DGKB: variants seen among roughly 807,000 people sequenced by gnomAD.
DGKB encodes the protein 90 kDa diacylglycerol kinase.
In DGKB, 67 loss-of-function variants were observed where a neutral mutation model predicts 114.3. That is an observed-to-expected ratio of 0.59 (90% CI 0.48 to 0.72). The LOEUF is 0.72. Among genes scored for constraint, DGKB ranks in the 30% least tolerant of loss-of-function variants. DGKB has a pLI of 0.00. For missense variants in DGKB, 907 were observed against 975.2 expected, an observed-to-expected ratio of 0.93 and a Z score of 0.93; for synonymous variants, 398 against 323.1, an observed-to-expected ratio of 1.23 and a Z score of -2.49.
chr7:14,249,015 C>A lies in DGKB; in HGVS notation c.2123-70864G>T, dbSNP rs371804546. 1.4e-3 allele frequency among the ~76,000 whole-genome samples: 220 copies of A among 152,154 alleles called. 1 individual carries two copies. Among genetic ancestry groups the A allele is most frequent in the African/African-American group, 5.0e-3 (207 of 41,534 alleles). Reference sequence around the variant, plus strand: ...TTTATTACGTTAATGAATGTACATTCCTTCTATACCTAATTTGGTGAGCGT... The same window carrying A: ...TTTATTACGTTAATGAATGTACATTACTTCTATACCTAATTTGGTGAGCGT... On this transcript the variant is annotated intron_variant, in intron 23 of 25. Coordinates refer to ENST00000402815, the MANE Select transcript of DGKB (RefSeq NM_001350709.2).
In DGKB at chr7:14,149,075, T is replaced by C; in HGVS notation, c.*56A>G. On this transcript the variant is annotated 3_prime_UTR_variant, in exon 26 of 26. Coordinates refer to ENST00000402815, the MANE Select transcript of DGKB (RefSeq NM_001350709.2). The stretch of plus-strand genomic sequence containing the variant: ...AAATGGTTCAAAGATTTCCAGCATA[T>C]GTGTTCCATGGCCCAATTATGCTAA... The C allele has an allele frequency of 7.1e-7, 1 of 1,415,364 alleles. No individual in the cohort carries two copies. The highest frequency in any genetic ancestry group is 1.4e-5 in the African/African-American group (1 of 70,826). 87.7% of individuals were successfully genotyped at this position (1,415,364 alleles called of 1,614,324 possible). A position where few individuals can be genotyped will look rare whatever the true frequency, so the allele number is the denominator to read the frequency against.
intron 21 of DGKB, among the ~76,000 whole-genome samples, chr7:14,368,432 T>G (rs1817064693): frequency 6.6e-6 from 1 of 152,168 alleles, no homozygotes; most frequent in Non-Finnish European, 1.5e-5. Context: ...GGTAAAGTAT[T>G]TAGCACTAGG....
At chr7:14,231,869 G>C (rs1486380330) in intron 23 of DGKB, among the ~76,000 whole-genome samples, 1 of 151,996 alleles carries the variant, frequency 6.6e-6, no homozygotes, top group Non-Finnish European at 1.5e-5. Context: ...TGTGATTGAA[G>C]TATGTCAGTA....
chr7:14,596,184 T>C lies in DGKB; in HGVS notation c.1433+11250A>G, dbSNP rs914782954. Among the ~76,000 whole-genome samples, 41 of 152,186 alleles carry C rather than the reference T, an allele frequency of 2.7e-4. 1 individual carries two copies. Among genetic ancestry groups the C allele is most frequent in the Non-Finnish European group, 1.9e-4 (13 of 68,008 alleles). ...CTGTGCTCTACAAGCACAGGAATAA[T>C]GATACATTTAATATCATGTAACTTT... On this transcript the variant is annotated intron_variant, in intron 17 of 25. Transcript: ENST00000402815.
chr7:14,234,864 T>G (rs1792521668), intron 23 of DGKB, among the ~76,000 whole-genome samples: 1 of 152,078 alleles, frequency 6.6e-6, no homozygotes, highest in African/African-American at 2.4e-5. Flanking sequence ...ACAAGAATTG[T>G]GTAATTTACA....
chr7:14,761,756 G>C (rs1009613853), intron 2 of DGKB, among the ~76,000 whole-genome samples: 2 of 152,184 alleles, frequency 1.3e-5, no homozygotes, highest in Non-Finnish European at 2.9e-5. Flanking sequence ...GCAGCTGTGA[G>C]CTTGGAGATC....
chr7:14,593,833 A>C (rs1470919880), intron 17 of DGKB, among the ~76,000 whole-genome samples: 1 of 151,528 alleles, frequency 6.6e-6, no homozygotes, highest in African/African-American at 2.4e-5. Context: ...AAAAAGAAAA[A>C]AACAACACAG....
chr7:14,868,909 A>G (rs1852071345), intron 1 of DGKB, among the ~76,000 whole-genome samples: 1 of 152,224 alleles, frequency 6.6e-6, no homozygotes, highest in East Asian at 1.9e-4. Context: ...GCATGGATGC[A>G]AATTTTAAAT....
In DGKB at chr7:14,621,371, A is replaced by G. The variant is rs758519626; in HGVS notation, c.1284+7T>C. 1 of 1,577,004 alleles carries G rather than the reference A, an allele frequency of 6.3e-7. No homozygotes were observed. Among genetic ancestry groups the G allele is most frequent in the South Asian group, 1.1e-5 (1 of 89,180 alleles). ...ACCTACTAAAATTTTGATTTAAAAA[A>G]TCATACCTGCAGGCCTTGTCCATCT... On this transcript the variant is annotated splice_region_variant and intron_variant, in intron 15 of 25. Transcript: ENST00000402815.
chr7:14,869,260 A>T (rs964535711), intron 1 of DGKB, among the ~76,000 whole-genome samples: 1 of 152,212 alleles, frequency 6.6e-6, no homozygotes, highest in Non-Finnish European at 1.5e-5. Flanking sequence ...TTCAATTTAG[A>T]TTTTAGCCTT....
chr7:14,920,236 C>G (rs1784447898), intron 1 of DGKB, among the ~76,000 whole-genome samples: 1 of 152,022 alleles, frequency 6.6e-6, no homozygotes, highest in African/African-American at 2.4e-5. Context: ...GCCTCAAAGA[C>G]AGTATTTGCA....
intron 23 of DGKB, among the ~76,000 whole-genome samples, chr7:14,272,799 C>T (rs930502486): frequency 6.6e-6 from 1 of 152,160 alleles, no homozygotes; most frequent in Non-Finnish European, 1.5e-5. Flanking sequence ...GCAGAAATGG[C>T]TGTTGCCCTA....
At chr7:14,624,231 T>C (rs1375010789) in intron 14 of DGKB, among the ~76,000 whole-genome samples, 1 of 152,202 alleles carries the variant, frequency 6.6e-6, no homozygotes, top group Non-Finnish European at 1.5e-5. Flanking sequence ...ATGCTGTTGG[T>C]GAGTGTGGAA....
intron 21 of DGKB, among the ~76,000 whole-genome samples, chr7:14,418,378 T>C (rs1035241727): frequency 2.4e-5 from 2 of 82,914 alleles, no homozygotes; most frequent in African/African-American, 3.3e-5. Flanking sequence ...TGTGTATATA[T>C]ATATATATAT....
At chr7:14,542,754 C>T (rs1051924759) in intron 20 of DGKB, among the ~76,000 whole-genome samples, 4 of 152,178 alleles carry the variant, frequency 2.6e-5, no homozygotes, top group African/African-American at 9.7e-5. Flanking sequence ...TGTCTCCTGT[C>T]CCGGCAGATT....
chr7:14,774,584 A>G (rs1837882711), intron 2 of DGKB, among the ~76,000 whole-genome samples: 1 of 152,170 alleles, frequency 6.6e-6, no homozygotes, highest in Admixed American at 6.5e-5. Flanking sequence ...TGAAAATGTT[A>G]TTTAAAACTT....
At chr7:14,426,373 G>T (rs1393068087) in intron 21 of DGKB, among the ~76,000 whole-genome samples, 1 of 152,176 alleles carries the variant, frequency 6.6e-6, no homozygotes, top group Non-Finnish European at 1.5e-5. Context: ...AGCTTTATTT[G>T]TGAGGAAGTA....
At chr7:14,723,371 G>A (rs567305039) in intron 5 of DGKB, among the ~76,000 whole-genome samples, 1 of 147,682 alleles carries the variant, frequency 6.8e-6, no homozygotes, top group East Asian at 2.1e-4. Context: ...CAACTAAAAT[G>A]AAACATAAAG....
intron 23 of DGKB, among the ~76,000 whole-genome samples, chr7:14,304,877 C>T (rs1387918134): frequency 2.6e-5 from 4 of 152,058 alleles, no homozygotes; most frequent in Non-Finnish European, 5.9e-5. Flanking sequence ...AAAACCATTT[C>T]GACAGAAGCA....
Sources: allele counts gnomAD v4.1 joint callset (sites outside exome capture counted in the v4.1 genomes callset), GRCh38; gene constraint gnomAD v4.1.1; transcripts MANE v1.5; gene names NCBI Gene and HGNC (gene_info 2026-07-23, HGNC 2026-07-21).